SETD2: variants seen among roughly 807,000 people sequenced by gnomAD.
The protein encoded by SETD2 is SET domain containing 2, histone lysine methyltransferase.
In SETD2, 31 loss-of-function variants were observed where a neutral mutation model predicts 242.1. The observed-to-expected ratio is 0.13, with a 90% confidence interval of 0.10 to 0.17. The LOEUF is 0.17. SETD2 is among the 10% of genes least tolerant of loss of function. The pLI is 1.00. For synonymous variants in SETD2, 1,006 were observed against 1,066.5 expected, an observed-to-expected ratio of 0.94 and a Z score of 1.11; for missense variants, 2,481 against 3,046.3, an observed-to-expected ratio of 0.81 and a Z score of 4.37.
intron 18 of SETD2, among the ~76,000 whole-genome samples, chr3:47,021,803 T>C (rs1320646168): frequency 2.6e-5 from 4 of 152,306 alleles, no homozygotes; most frequent in East Asian, 3.9e-4. Flanking sequence ...GCACTTGTTA[T>C]TGACATGAAC....
intron 15 of SETD2, among the ~76,000 whole-genome samples, chr3:47,055,742 G>C (rs1439925057): frequency 6.6e-6 from 1 of 151,594 alleles, no homozygotes; most frequent in Non-Finnish European, 1.5e-5. Flanking sequence ...AGGCACGGTG[G>C]CTCACGTCAG....
intron 1 of SETD2, among the ~76,000 whole-genome samples, chr3:47,131,007 T>C (rs1399048345): frequency 6.6e-6 from 1 of 152,060 alleles, no homozygotes; most frequent in Non-Finnish European, 1.5e-5. Context: ...AACCAATCTC[T>C]CAGGCTAGGA....
At chr3:47,098,888 G>T (rs904563973) in intron 8 of SETD2, among the ~76,000 whole-genome samples, 4 of 152,066 alleles carry the variant, frequency 2.6e-5, no homozygotes, top group East Asian at 3.8e-4. Flanking sequence ...AAAATAAATT[G>T]TTCAATAAGT....
chr3:47,098,800 AAATAAT>A (rs1038874907), intron 8 of SETD2, among the ~76,000 whole-genome samples: 6 of 152,062 alleles, frequency 3.9e-5, no homozygotes, highest in Admixed American at 1.3e-4. Context: ...TGTCTCAAAA[AAATAAT>A]AATAATAATA....
chr3:47,062,738 T>C (rs1002927391), intron 13 of SETD2, among the ~76,000 whole-genome samples: 4 of 152,204 alleles, frequency 2.6e-5, no homozygotes, highest in East Asian at 1.9e-4. Context: ...TTATAATCTA[T>C]AGAAAAGCAG....
At chr3:47,135,514 C>T (rs1477774080) in intron 1 of SETD2, among the ~76,000 whole-genome samples, 5 of 152,202 alleles carry the variant, frequency 3.3e-5, no homozygotes, top group Non-Finnish European at 7.3e-5. Flanking sequence ...TAAGCTCAAA[C>T]AATCTGTCCG....
intron 9 of SETD2, 140 bp downstream of exon 9, chr3:47,097,815 G>A (rs1370845424): frequency 1.4e-6 from 1 of 716,192 alleles, no homozygotes; most frequent in East Asian, 2.7e-5. Flanking sequence ...AATAGCAATT[G>A]CATCTCTTTT....
At chr3:47,071,615 G>T (rs1039873461) in intron 12 of SETD2, among the ~76,000 whole-genome samples, 1 of 151,806 alleles carries the variant, frequency 6.6e-6, no homozygotes, top group Non-Finnish European at 1.5e-5. Flanking sequence ...CACAATTTGG[G>T]GAAATTTAAG....
At chr3:47,126,122 C>A (rs2043318772) in intron 2 of SETD2, among the ~76,000 whole-genome samples, 1 of 152,180 alleles carries the variant, frequency 6.6e-6, no homozygotes, top group Admixed American at 6.5e-5. Flanking sequence ...CTCCTCCTCC[C>A]CAGCTCAAGC....
At chr3:47,105,235 C>T (rs1356892728) in intron 6 of SETD2, among the ~76,000 whole-genome samples, 6 of 151,896 alleles carry the variant, frequency 4.0e-5, no homozygotes, top group Non-Finnish European at 8.8e-5. Context: ...CATGGCAAAA[C>T]CCCGTCTCTA....
rs1489000911 is a variant in SETD2, at chr3:47,103,394, G to A, written c.4869C>T (p.Cys1623=). ...CACAGCTGTGATTCATGAAACGAGAGCAATTTCCTTTTTGAGTGGCATCTA... is the reference window on the plus strand; with the variant it reads ...CACAGCTGTGATTCATGAAACGAGAACAATTTCCTTTTTGAGTGGCATCTA... ...EIIDATQKGN[C]SRFMNHSCEP... The change falls in exon 7 of 21, where the codon TGC becomes TGT. Residue 1623 remains cysteine (C), a synonymous_variant. Transcript: ENST00000409792. 1 of 1,612,828 alleles carries A rather than the reference G, an allele frequency of 6.2e-7. No homozygotes were observed. The highest frequency in any genetic ancestry group is 8.5e-7 in the Non-Finnish European group (1 of 1,179,016).
chr3:47,094,973 C>T (rs1353599471), intron 9 of SETD2, among the ~76,000 whole-genome samples: 6 of 152,136 alleles, frequency 3.9e-5, no homozygotes, highest in Non-Finnish European at 7.4e-5. Flanking sequence ...CAGAGTTATC[C>T]TTAAATCTTC....
Position 47,022,702 on chromosome 3 carries a change from A to C in SETD2, c.7351-2862T>G, listed in dbSNP as rs2038286614. Among the ~76,000 whole-genome samples the C allele has an allele frequency of 2.0e-5, 3 of 152,236 alleles. No individual in the cohort carries two copies. The South Asian group carries it at 6.2e-4, about 32-fold the overall frequency. On this transcript the variant is annotated intron_variant, in intron 18 of 20. Coordinates refer to ENST00000409792, the MANE Select transcript of SETD2 (RefSeq NM_014159.7). ...TGAGGCCGTGGACAGTTAAGAGTAC[A>C]CAATGAAATGAGCAGGCAAAGGGCC...
intron 18 of SETD2, among the ~76,000 whole-genome samples, chr3:47,021,431 CTTTTAAT>C (rs1040419152): frequency 1.3e-5 from 2 of 152,098 alleles, no homozygotes; most frequent in African/African-American, 4.8e-5. Context: ...ACCCAAAGCA[CTTTTAAT>C]AGATTTATAA....
chr3:47,056,379 G>A (rs1193382111), intron 15 of SETD2, among the ~76,000 whole-genome samples: 1 of 151,834 alleles, frequency 6.6e-6, no homozygotes, highest in Non-Finnish European at 1.5e-5. Flanking sequence ...CGTCCACCTC[G>A]GCCTCCCAAA....
chr3:47,123,359 T>C lies in SETD2; in HGVS notation c.1277A>G (p.His426Arg), dbSNP rs2106701865. The change falls in exon 3 of 21, where the codon CAT becomes CGT. Residue 426 changes from histidine to arginine, a missense_variant. His to Arg is a conservative substitution (Grantham distance 29, BLOSUM62 0). Coordinates refer to ENST00000409792, the MANE Select transcript of SETD2 (RefSeq NM_014159.7). ...GTAGCGACGATCAGAGTCATAATAA[T>C]GAGATCGTTCTGACCTGGAATAGGA... ...NLSYSRSERS[H>R]YYDSDRRYHR... The C allele has an allele frequency of 1.3e-6, 2 of 1,551,630 alleles. No homozygotes were observed. Among genetic ancestry groups the C allele is most frequent in the South Asian group, 1.2e-5 (1 of 84,066 alleles).
rs71098457 is a variant in SETD2 at position 47,150,028 on chromosome 3, C to CTTTTTTTTTTTTT, written c.71+13813_71+13825dup. Reference sequence around the variant, plus strand: ...GTGTCTTTTGGCATATCCAAAAATACTTTTTTTTTTTTTTTTTTTTGAGAC... The same window carrying CTTTTTTTTTTTTT: ...GTGTCTTTTGGCATATCCAAAAATACTTTTTTTTTTTTTTTTTTTTTTTTTTTTTTTTTGAGAC... On this transcript the variant is annotated intron_variant, in intron 1 of 20. Transcript: ENST00000409792. Among the ~76,000 whole-genome samples the CTTTTTTTTTTTTT allele has an allele frequency of 9.7e-5, 9 of 92,430 alleles. 1 individual carries two copies. The highest frequency in any genetic ancestry group is 1.2e-4 in the Non-Finnish European group (6 of 51,016). The allele number at this position is 92,430 out of a possible 152,430, so 60.6% of individuals were successfully genotyped here.
At chr3:47,085,889 G>GT (rs1559703874) in intron 11 of SETD2, among the ~76,000 whole-genome samples, 1 of 151,940 alleles carries the variant, frequency 6.6e-6, no homozygotes, top group Non-Finnish European at 1.5e-5. Flanking sequence ...TAAAACTCTG[G>GT]TTTTAACAAC....
intron 12 of SETD2, among the ~76,000 whole-genome samples, chr3:47,068,803 T>C (rs2040686318): frequency 6.7e-6 from 1 of 149,192 alleles, no homozygotes; most frequent in Admixed American, 6.7e-5. Flanking sequence ...CCTATCTTTT[T>C]GTTTTGTTTT....
Sources: allele counts gnomAD v4.1 joint callset (sites outside exome capture counted in the v4.1 genomes callset), GRCh38; gene constraint gnomAD v4.1.1; transcripts MANE v1.5; gene names NCBI Gene and HGNC (gene_info 2026-07-23, HGNC 2026-07-21).